RIPK3: variants seen among roughly 807,000 people sequenced by gnomAD.
RIPK3 encodes receptor-interacting serine/threonine-protein kinase 3.
In RIPK3, 51 loss-of-function variants were observed where a neutral mutation model predicts 51.6. The observed-to-expected ratio is 0.99, with a 90% CI of 0.79 to 1.25. The LOEUF is 1.25. RIPK3 is among the 50% of genes most tolerant of loss of function. The probability of loss-of-function intolerance (pLI) is 0.00; values close to 1 mark genes in which losing one functional copy is unlikely to be tolerated. For synonymous variants in RIPK3, 246 were observed against 257.7 expected (o/e 0.95, Z 0.44); for missense variants, 654 against 650.4 (o/e 1.01, Z -0.06).
chr14:24,339,668 C>A lies in RIPK3; in HGVS notation c.21-71G>T. On this transcript the variant is annotated intron_variant, in intron 1 of 9. Coordinates refer to ENST00000216274, the MANE Select transcript of RIPK3 (RefSeq NM_006871.4). The surrounding 1 kb of genome is among the most constrained non-coding windows in gnomAD (Gnocchi z 4.0). ...CGCTGCTCCCCGCGCCCCTGTGACT[C>A]GGCGTTCTCACTGCAATCCCCAGCC... 1 of 1,603,436 alleles carries A rather than the reference C, an allele frequency of 6.2e-7. No homozygotes were observed. Among genetic ancestry groups the A allele is most frequent in the Admixed American group, 1.7e-5 (1 of 59,340 alleles).
Position 24,339,539 on chromosome 14 carries a change from C to A in RIPK3, c.79G>T (p.Val27Phe). 6.2e-7 allele frequency: 1 copy of A among 1,614,212 alleles called. No homozygotes were observed. Among genetic ancestry groups the A allele is most frequent in the Non-Finnish European group, 8.5e-7 (1 of 1,180,038 alleles). The change falls in exon 2 of 10, where the codon GTC becomes TTC. Residue 27 changes from valine (V) to phenylalanine (F), a missense_variant. Coordinates refer to ENST00000216274, the MANE Select transcript of RIPK3 (RefSeq NM_006871.4). The surrounding 1 kb of genome is among the most constrained non-coding windows in gnomAD (Gnocchi z 4.0). Reference sequence around the variant, plus strand: ...ACTGTGCCGAACCCGCCTTTGCCGACGAGCTCCTGGTTCTCCAGTTCCTCG... The same window carrying A: ...ACTGTGCCGAACCCGCCTTTGCCGAAGAGCTCCTGGTTCTCCAGTTCCTCG... ...SIEELENQEL[V>F]GKGGFGTVFR...
At chr14:24,338,401 T>C (rs773536541) in intron 4 of RIPK3, 21 bp downstream of exon 4, 1 of 1,599,490 alleles carries the variant, frequency 6.3e-7, no homozygotes, top group South Asian at 1.1e-5. Context: ...CCTGGCTGTG[T>C]GTTTGGGCCG....
At position 24,339,809 on chromosome 14, in the gene RIPK3, T is replaced by G; in HGVS notation, c.18A>C (p.Leu6Phe). MSCVKLWPSGAPAPLV... is the reference protein window; with the variant it reads MSCVKFWPSGAPAPLV... ...TCGACATGCCACTCCCTACTCACCATAACTTGACGCACGACATCAGGCTGG... is the reference window on the plus strand; with the variant it reads ...TCGACATGCCACTCCCTACTCACCAGAACTTGACGCACGACATCAGGCTGG... Residue 6 changes from leucine to phenylalanine, a missense_variant and splice_region_variant, in exon 1 of 10, where the codon TTA (leucine) becomes TTC (phenylalanine). Physicochemically the swap from Leu to Phe is conservative, Grantham distance 22. Transcript: ENST00000216274. The surrounding 1 kb of genome is among the most constrained non-coding windows in gnomAD (Gnocchi z 4.0). 2 of 1,576,894 alleles carry G rather than the reference T, an allele frequency of 1.3e-6. No homozygotes were observed. Among genetic ancestry groups the G allele is most frequent in the Non-Finnish European group, 1.7e-6 (2 of 1,163,758 alleles).
rs764583913 is a variant in RIPK3 at position 24,338,136 on chromosome 14, G to A, written c.665-96C>T. 64 of 1,588,642 alleles carry A rather than the reference G, an allele frequency of 4.0e-5. 1 individual carries two copies. Among genetic ancestry groups the A allele is most frequent in the Non-Finnish European group, 1.8e-5 (21 of 1,160,522 alleles). On this transcript the variant is annotated intron_variant, in intron 5 of 9. Transcript: ENST00000216274. ...AAGAGGCAGGGAGTGTAATGTGGGG[G>A]CACGAGGAGGGAGGAGGGCAGTCTA...
intron 4 of RIPK3, 58 bp downstream of exon 4, chr14:24,338,364 T>TG: frequency 6.4e-7 from 1 of 1,568,256 alleles, no homozygotes; most frequent in African/African-American, 1.4e-5. Context: ...CATCATCCCC[T>TG]GGGAGGGCCC....
intron 4 of RIPK3, 56 bp downstream of exon 4, chr14:24,338,366 G>A (rs2042156819): frequency 6.4e-7 from 1 of 1,569,432 alleles, no homozygotes; most frequent in Non-Finnish European, 8.7e-7. Context: ...TCATCCCCTG[G>A]GAGGGCCCAG....
chr14:24,336,913 G>A lies in RIPK3; in HGVS notation c.1308C>T (p.Cys436=), dbSNP rs749133917. The change falls in exon 9 of 10, where the codon TGC becomes TGT. Residue 436 remains cysteine, a synonymous_variant. Transcript: ENST00000216274. ...TTACTGGATTTGGCTCCGGGGTCCT[G>A]CAGGACCAGTTCATGCCTTGTCTCT... ...GAERQGMNWS[C]RTPEPNPVTG... The A allele has an allele frequency of 1.9e-6, 3 of 1,614,074 alleles. No homozygotes were observed. In the African/African-American group the frequency reaches 4.0e-5, roughly 22 times the overall value.
intron 3 of RIPK3, 189 bp from the exon 4 acceptor site, chr14:24,338,756 G>T: frequency 2.4e-6 from 2 of 838,754 alleles, no homozygotes; most frequent in Non-Finnish European, 1.8e-6. Flanking sequence ...TGAGTCTCCA[G>T]GGCTGGGTCA....
chr14:24,338,719 G>T, intron 3 of RIPK3, 152 bp from the exon 4 acceptor site: 2 of 1,122,952 alleles, frequency 1.8e-6, no homozygotes, highest in Non-Finnish European at 2.5e-6. Context: ...AGATCTAGGT[G>T]CCTTGTGGTA....
chr14:24,338,642 C>G (rs1240803698), intron 3 of RIPK3, 75 bp from the exon 4 acceptor site: 3 of 1,525,010 alleles, frequency 2.0e-6, no homozygotes, highest in Admixed American at 2.1e-5. Flanking sequence ...CCCCTGCCCC[C>G]AGAAGGTGCA....
chr14:24,336,990 CT>C (rs2042143898), intron 8 of RIPK3, 45 bp from the exon 9 acceptor site: 4 of 1,608,064 alleles, frequency 2.5e-6, no homozygotes, highest in Non-Finnish European at 3.4e-6. Flanking sequence ...GAGCCTGGCA[CT>C]CCCACTGCAC....
chr14:24,338,018 C>T lies in RIPK3; in HGVS notation c.687G>A (p.Val229=). The T allele has an allele frequency of 6.2e-7, 1 of 1,614,174 alleles. No homozygotes were observed. Among genetic ancestry groups the T allele is most frequent in the South Asian group, 1.1e-5 (1 of 91,082 alleles). ...TCTGCCTGTTGCACACTGCTTCGTA[C>T]ACGAGTGATGGTTCGGTTGGCACTG... ...EVELPTEPSL[V]YEAVCNRQNR... is the part of the protein sequence containing the mutation. Residue 229 remains valine (V), a synonymous_variant, in exon 6 of 10, where the codon GTG becomes GTA. Transcript: ENST00000216274.
chr14:24,339,513 C>G lies in RIPK3; in HGVS notation c.105G>C (p.Val35=), dbSNP rs1165917874. 1 of 1,614,180 alleles carries G rather than the reference C, an allele frequency of 6.2e-7. No individual in the cohort carries two copies. The highest frequency in any genetic ancestry group is 1.1e-5 in the South Asian group (1 of 91,082). ...ELVGKGGFGT[V]FRAQHRKWGY... is the part of the protein sequence containing the mutation. ...CCCACTTCCTATGTTGCGCCCGGAACACTGTGCCGAACCCGCCTTTGCCGA... is the reference window on the plus strand; with the variant it reads ...CCCACTTCCTATGTTGCGCCCGGAAGACTGTGCCGAACCCGCCTTTGCCGA... The change falls in exon 2 of 10, where the codon GTG becomes GTC. Residue 35 remains valine (V), a synonymous_variant. Coordinates refer to ENST00000216274, the MANE Select transcript of RIPK3 (RefSeq NM_006871.4). This position sits in a 1 kb window ranked among gnomAD's most constrained non-coding sequence, Gnocchi z 4.0.
chr14:24,338,479 G>T lies in RIPK3; in HGVS notation c.560C>A (p.Ala187Asp). ...GEPGGTLGYL[A>D]PELFVNVNRK... ...GTTTACGTTAACAAACAGTTCTGGG[G>T]CCAAGTAGCCCAGGGTGCCCCCTGG... Residue 187 changes from alanine to aspartate, a missense_variant, in exon 4 of 10, where the codon GCC becomes GAC. Transcript: ENST00000216274. The T allele has an allele frequency of 6.2e-7, 1 of 1,613,932 alleles. No individual in the cohort carries two copies. Among genetic ancestry groups the T allele is most frequent in the Non-Finnish European group, 8.5e-7 (1 of 1,179,828 alleles).
At position 24,336,301 on chromosome 14, in the gene RIPK3, C is replaced by A. The variant is rs1240095773; in HGVS notation, c.1431G>T (p.Trp477Cys). ...TCCCCTTGCCCGAAGGTGCCAAGCC[C>A]CATGTGGGCAAGGCAGTTGTCTGTT... is the stretch of plus-strand genomic sequence containing the variant. ...TMQQTTALPT[W>C]GLAPSGKGRG... The change falls in exon 10 of 10, where the codon TGG becomes TGT. Residue 477 changes from tryptophan (W) to cysteine (C), a missense_variant. By Grantham distance (215) the Trp-to-Cys change is radical. Coordinates refer to ENST00000216274, the MANE Select transcript of RIPK3 (RefSeq NM_006871.4). The A allele has an allele frequency of 6.2e-7, 1 of 1,613,902 alleles. No individual in the cohort carries two copies. The highest frequency in any genetic ancestry group is 8.5e-7 in the Non-Finnish European group (1 of 1,180,038).
rs776028309 is a variant in RIPK3, at chr14:24,339,329, A to G, written c.162-5T>C. 3.1e-6 allele frequency: 5 copies of G among 1,606,634 alleles called. No individual in the cohort carries two copies. Among genetic ancestry groups the G allele is most frequent in the South Asian group, 1.1e-5 (1 of 90,912 alleles). ...ACCTCCCTGGATATCGCCTTCCTACACTCCAGGAGAGAGCTGGAGTCGCAC... is the reference window on the plus strand; with the variant it reads ...ACCTCCCTGGATATCGCCTTCCTACGCTCCAGGAGAGAGCTGGAGTCGCAC... On this transcript the variant is annotated splice_polypyrimidine_tract_variant and splice_region_variant and intron_variant, in intron 2 of 9. Coordinates refer to ENST00000216274, the MANE Select transcript of RIPK3 (RefSeq NM_006871.4). The surrounding 1 kb of genome is among the most constrained non-coding windows in gnomAD (Gnocchi z 4.0).
intron 9 of RIPK3, 95 bp from the exon 10 acceptor site, chr14:24,336,490 G>A (rs538636215): frequency 2.0e-6 from 3 of 1,525,550 alleles, no homozygotes; most frequent in African/African-American, 2.7e-5. Context: ...ACTTGTCAGT[G>A]GCTGTGTCAA....
chr14:24,339,828 A>T lies in RIPK3; in HGVS notation c.-2T>A. On this transcript the variant is annotated 5_prime_UTR_variant, in exon 1 of 10. Coordinates refer to ENST00000216274, the MANE Select transcript of RIPK3 (RefSeq NM_006871.4). The surrounding 1 kb of genome is among the most constrained non-coding windows in gnomAD (Gnocchi z 4.0). ...TCACCATAACTTGACGCACGACATC[A>T]GGCTGGAAGGTGCCAGGGGGCCTCT... 6.4e-7 allele frequency: 1 copy of T among 1,567,448 alleles called. No individual in the cohort carries two copies. Among genetic ancestry groups the T allele is most frequent in the Non-Finnish European group, 8.6e-7 (1 of 1,160,206 alleles).
rs192704815 is a variant in RIPK3 at position 24,339,875 on chromosome 14, A to G, written c.-49T>C. 7.2e-6 allele frequency: 11 copies of G among 1,538,320 alleles called. No homozygotes were observed. The East Asian group carries it at 2.5e-4, about 35-fold the overall frequency. On this transcript the variant is annotated 5_prime_UTR_variant, in exon 1 of 10. Transcript: ENST00000216274. The surrounding 1 kb of genome is among the most constrained non-coding windows in gnomAD (Gnocchi z 4.0). ...CTCTGGAAATTGCGAGCCGTAGGAG[A>G]TGGAGTGACTTCTGGGGCTTGGTCC... is the stretch of plus-strand genomic sequence containing the variant.
Sources: gnomAD v4.1 joint callset for allele counts on GRCh38, gnomAD v4.1.1 for gene constraint, Gnocchi (gnomAD v3.1) non-coding constraint, MANE v1.5 for transcripts, NCBI Gene and HGNC (gene_info 2026-07-23, HGNC 2026-07-21) for gene names.